The following PRRX1 variants were observed in gnomAD, a reference collection of about 807,000 sequenced individuals.
PRRX1 encodes paired mesoderm homeobox protein 1.
In PRRX1, 8 loss-of-function variants were observed where a neutral mutation model predicts 24.0. The observed-to-expected ratio is 0.33, with a 90% CI of 0.20 to 0.60. The LOEUF is 0.60. Among genes scored for constraint, PRRX1 ranks in the 20% least tolerant of loss-of-function variants. The pLI, the probability that PRRX1 is intolerant of heterozygous loss-of-function variation, is 0.82. For synonymous variants in PRRX1, 160 were observed against 131.7 expected, an observed-to-expected ratio of 1.22 and a Z score of -1.47; for missense variants, 281 against 322.4, an observed-to-expected ratio of 0.87 and a Z score of 0.98.
intron 1 of PRRX1, among the ~76,000 whole-genome samples, chr1:170,716,995 T>C (rs532275341): frequency 6.6e-6 from 1 of 152,308 alleles, no homozygotes; most frequent in African/African-American, 2.4e-5. Flanking sequence ...AGACAGACCA[T>C]CCCCAGGACT....
rs1172667462 is a variant in PRRX1 at position 170,664,154 on chromosome 1, G to T, written c.-65G>T. 5.4e-6 allele frequency: 8 copies of T among 1,481,756 alleles called. No individual in the cohort carries two copies. Among genetic ancestry groups the T allele is most frequent in the South Asian group, 2.6e-5 (2 of 76,664 alleles). 91.8% of individuals were successfully genotyped at this position (1,481,756 alleles called of 1,614,324 possible). A position where few individuals can be genotyped will look rare whatever the true frequency, so the allele number is the denominator to read the frequency against. On this transcript the variant is annotated 5_prime_UTR_variant, in exon 1 of 4. Transcript: ENST00000239461. ...CCACTCGGCTCCTCTCCCCCCTCGC[G>T]CCCACAGCGTTTGGTGTTGATTCGA...
At chr1:170,695,152 A>G (rs1236772348) in intron 1 of PRRX1, among the ~76,000 whole-genome samples, 1 of 152,164 alleles carries the variant, frequency 6.6e-6, no homozygotes, top group East Asian at 1.9e-4. Context: ...CAACAACCAT[A>G]CCCCATGAAC....
chr1:170,669,672 C>T (rs1202935303), intron 1 of PRRX1, among the ~76,000 whole-genome samples: 2 of 151,990 alleles, frequency 1.3e-5, no homozygotes, highest in South Asian at 2.1e-4. Flanking sequence ...CCATCGCAGA[C>T]CCCTAACTCC....
chr1:170,699,384 A>T (rs1654277554), intron 1 of PRRX1, among the ~76,000 whole-genome samples: 1 of 151,740 alleles, frequency 6.6e-6, no homozygotes, highest in Admixed American at 6.6e-5. Context: ...TGGAATGAGA[A>T]TTATTTGAGT....
intron 1 of PRRX1, among the ~76,000 whole-genome samples, chr1:170,709,644 AAAGT>A (rs1158861402): frequency 6.6e-6 from 1 of 152,124 alleles, no homozygotes; most frequent in Non-Finnish European, 1.5e-5. Flanking sequence ...GATCAGTTAG[AAAGT>A]AAGTATCTTG....
At chr1:170,694,202 G>T (rs1339213609) in intron 1 of PRRX1, among the ~76,000 whole-genome samples, 1 of 152,046 alleles carries the variant, frequency 6.6e-6, no homozygotes, top group African/African-American at 2.4e-5. Flanking sequence ...AAACACGGTA[G>T]AAAGGTTTGA....
chr1:170,726,455 C>A lies in PRRX1; in HGVS notation c.599+54C>A. 3 of 1,581,624 alleles carry A rather than the reference C, an allele frequency of 1.9e-6. No homozygotes were observed. The South Asian group carries it at 3.3e-5, about 18-fold the overall frequency. On this transcript the variant is annotated intron_variant, in intron 3 of 3. Coordinates refer to ENST00000239461, the MANE Select transcript of PRRX1 (RefSeq NM_022716.4). ...CCACTTCCACATGTTTCTCAGCGGT[C>A]GGTCATGTTTCAAGCTGCTTGTGCA...
rs566730039 is a variant in PRRX1 at position 170,692,254 on chromosome 1, AT to A, written c.242-27471del. ...GTCCAGGATCAGGAAGCCCTTTCTA[AT>A]AACTGACATAAATCCTTATGGGGTA... On this transcript the variant is annotated intron_variant, in intron 1 of 3. Transcript: ENST00000239461. Among the ~76,000 whole-genome samples, 1,164 of 152,218 alleles carry A rather than the reference AT, an allele frequency of 7.6e-3. 11 individuals are homozygous for A. The highest frequency in any genetic ancestry group is 0.027 in the African/African-American group (1,123 of 41,544).
chr1:170,687,132 C>CT (rs961365120), intron 1 of PRRX1, among the ~76,000 whole-genome samples: 17 of 144,086 alleles, frequency 1.2e-4, no homozygotes, highest in East Asian at 8.0e-4. Context: ...CTCTCTCTCT[C>CT]TTTTTTTTTT....
chr1:170,692,251 C>T (rs1421306703), intron 1 of PRRX1, among the ~76,000 whole-genome samples: 1 of 151,974 alleles, frequency 6.6e-6, no homozygotes, highest in Non-Finnish European at 1.5e-5. Flanking sequence ...GAAGCCCTTT[C>T]TAATAACTGA....
chr1:170,714,591 T>C (rs1654848134), intron 1 of PRRX1, among the ~76,000 whole-genome samples: 1 of 152,178 alleles, frequency 6.6e-6, no homozygotes, highest in African/African-American at 2.4e-5. Context: ...TACGTTTGGC[T>C]GACCAATGAT....
chr1:170,676,574 G>T (rs938546883), intron 1 of PRRX1, among the ~76,000 whole-genome samples: 4 of 151,948 alleles, frequency 2.6e-5, no homozygotes, highest in African/African-American at 9.7e-5. Context: ...AAGATAAGTT[G>T]GGATAAAACA....
At position 170,738,981 on chromosome 1, in the gene PRRX1, G is replaced by T. The variant is rs754493909; in HGVS notation, c.*2795G>T. On this transcript the variant is annotated 3_prime_UTR_variant, in exon 4 of 4. Coordinates refer to ENST00000239461, the MANE Select transcript of PRRX1 (RefSeq NM_022716.4). ...CACTTGATCAAGAAATATACATGTT[G>T]TACAAGCTCTCAATTTTGTTCATTT... The T allele has an allele frequency of 2.7e-5, 6 of 224,896 alleles. No homozygotes were observed. The highest frequency in any genetic ancestry group is 6.7e-5 in the African/African-American group (3 of 44,914). 13.9% of individuals were successfully genotyped at this position (224,896 alleles called of 1,614,324 possible).
rs1655606498 is a variant in PRRX1, at chr1:170,736,448, T to C, written c.*262T>C. ...TATTTTGTTTTTCTTTCATTCATGC[T>C]TTGCTTAATGTACTCCAGGCTTCTT... On this transcript the variant is annotated 3_prime_UTR_variant, in exon 4 of 4. Transcript: ENST00000239461. 2.0e-6 allele frequency: 1 copy of C among 504,304 alleles called. No homozygotes were observed. Among genetic ancestry groups the C allele is most frequent in the Admixed American group, 3.3e-5 (1 of 30,682 alleles). 31.2% of individuals were successfully genotyped at this position (504,304 alleles called of 1,614,324 possible). A position where few individuals can be genotyped will look rare whatever the true frequency, so the allele number is the denominator to read the frequency against.
intron 1 of PRRX1, among the ~76,000 whole-genome samples, chr1:170,697,861 T>C (rs1402538521): frequency 6.7e-6 from 1 of 148,700 alleles, no homozygotes; most frequent in African/African-American, 2.4e-5. Flanking sequence ...TGTATATCTA[T>C]ATATACATAT....
At chr1:170,663,638 C>G (rs988160690), upstream of PRRX1, 2 of 152,398 alleles carry the variant, frequency 1.3e-5, no homozygotes, top group African/African-American at 2.4e-5. Flanking sequence ...AACACGTTTT[C>G]TTGAAGATGT....
Position 170,738,925 on chromosome 1 carries a change from G to A in PRRX1, c.*2739G>A, listed in dbSNP as rs920373979. Reference sequence around the variant, plus strand: ...AGCCAAAGAAACATTCACTGCTGGTGAACCAATACCATAAGCATGTATTAT... The same window carrying A: ...AGCCAAAGAAACATTCACTGCTGGTAAACCAATACCATAAGCATGTATTAT... On this transcript the variant is annotated 3_prime_UTR_variant, in exon 4 of 4. Transcript: ENST00000239461. The A allele has an allele frequency of 3.5e-5, 8 of 228,536 alleles. No homozygotes were observed. Among genetic ancestry groups the A allele is most frequent in the Non-Finnish European group, 6.1e-5 (7 of 115,206 alleles). The allele number at this position is 228,536 out of a possible 1,614,324, so 14.2% of individuals were successfully genotyped here. A position where few individuals can be genotyped will look rare whatever the true frequency, so the allele number is the denominator to read the frequency against.
At chr1:170,726,650 G>GA in intron 3 of PRRX1, 1 of 475,994 alleles carries the variant, frequency 2.1e-6, no homozygotes, top group South Asian at 3.3e-5. Context: ...CTCTTGCAAA[G>GA]GTTTCAAAGA....
At chr1:170,683,796 G>A (rs1193165644) in intron 1 of PRRX1, among the ~76,000 whole-genome samples, 1 of 152,200 alleles carries the variant, frequency 6.6e-6, no homozygotes, top group East Asian at 1.9e-4. Flanking sequence ...TAACTGAAAT[G>A]TCTTCAGAAG....
Sources: gnomAD v4.1 joint callset for allele counts (sites outside exome capture counted in the v4.1 genomes callset) on GRCh38, gnomAD v4.1.1 for gene constraint, MANE v1.5 for transcripts, NCBI Gene and HGNC (gene_info 2026-07-23, HGNC 2026-07-21) for gene names.